The following ADGRL2 variants were observed in gnomAD, a reference collection of about 807,000 sequenced individuals.
ADGRL2 encodes the protein calcium-independent alpha-latrotoxin receptor 2.
A neutral mutation model predicts 157.4 loss-of-function variants in ADGRL2; 44 were observed. That is an observed-to-expected ratio of 0.28 (90% CI 0.22 to 0.36). The LOEUF is 0.36. Among genes scored for constraint, ADGRL2 ranks in the 10% least tolerant of loss-of-function variants. The probability of loss-of-function intolerance (pLI) is 1.00; values close to 1 mark genes in which losing one functional copy is unlikely to be tolerated. For synonymous variants in ADGRL2, 585 were observed against 624.7 expected, an observed-to-expected ratio of 0.94 and a Z score of 0.95; for missense variants, 1,510 against 1,768.9, an observed-to-expected ratio of 0.85 and a Z score of 2.63.
chr1:81,344,219 G>A (rs751897018), intron 1 of ADGRL2, among the ~76,000 whole-genome samples: 6 of 152,044 alleles, frequency 3.9e-5, no homozygotes, highest in African/African-American at 9.7e-5. Flanking sequence ...CAGGCGCAAC[G>A]TCACCACGCC....
intron 3 of ADGRL2, among the ~76,000 whole-genome samples, chr1:81,934,869 C>T (rs2095287035): frequency 6.6e-6 from 1 of 151,784 alleles, no homozygotes; most frequent in Non-Finnish European, 1.5e-5. Flanking sequence ...AGGAAGATCA[C>T]TGTAGGTATG....
intron 1 of ADGRL2, among the ~76,000 whole-genome samples, chr1:81,352,200 G>T (rs988801360): frequency 6.6e-6 from 1 of 152,204 alleles, no homozygotes; most frequent in Non-Finnish European, 1.5e-5. Context: ...CCAAGTTAAA[G>T]AGTTGAGGGT....
chr1:81,446,429 T>C (rs1385771136), intron 2 of ADGRL2, among the ~76,000 whole-genome samples: 1 of 152,182 alleles, frequency 6.6e-6, no homozygotes, highest in Non-Finnish European at 1.5e-5. Context: ...TTAATGAGCC[T>C]ATATAGGGCC....
chr1:81,521,510 G>A (rs2079314103), intron 2 of ADGRL2, among the ~76,000 whole-genome samples: 1 of 151,972 alleles, frequency 6.6e-6, no homozygotes, highest in South Asian at 2.1e-4. Flanking sequence ...TAATCATTTT[G>A]TAATAAAAAT....
At chr1:81,366,899 C>T (rs920672458) in intron 1 of ADGRL2, among the ~76,000 whole-genome samples, 1 of 152,080 alleles carries the variant, frequency 6.6e-6, no homozygotes, top group Non-Finnish European at 1.5e-5. Context: ...TTGCTGTATC[C>T]CCAGTGGATT....
intron 2 of ADGRL2, among the ~76,000 whole-genome samples, chr1:81,902,448 A>T (rs1247925710): frequency 2.0e-5 from 3 of 152,134 alleles, no homozygotes; most frequent in African/African-American, 4.8e-5. Flanking sequence ...AAATACAAAA[A>T]TTAGCCGGTC....
At chr1:81,726,403 A>G (rs2084530665) in intron 1 of ADGRL2, among the ~76,000 whole-genome samples, 1 of 152,210 alleles carries the variant, frequency 6.6e-6, no homozygotes. Context: ...TATGTCCCAT[A>G]CAGTAACAAC....
chr1:81,507,782 A>G (rs1050711038), intron 2 of ADGRL2, among the ~76,000 whole-genome samples: 1 of 152,216 alleles, frequency 6.6e-6, no homozygotes, highest in Non-Finnish European at 1.5e-5. Flanking sequence ...CAGAAAAGGT[A>G]GAAAGTTTAT....
chr1:81,461,680 G>T (rs370635150), intron 2 of ADGRL2, among the ~76,000 whole-genome samples: 1 of 152,094 alleles, frequency 6.6e-6, no homozygotes, highest in African/African-American at 2.4e-5. Context: ...GATAAAAAGA[G>T]GATACAATGT....
At chr1:81,668,861 C>T (rs139846504) in intron 3 of ADGRL2, among the ~76,000 whole-genome samples, 2 of 152,098 alleles carry the variant, frequency 1.3e-5, no homozygotes, top group Non-Finnish European at 1.5e-5. Context: ...TGAGCCACTG[C>T]GCCTGGCCCA....
intron 3 of ADGRL2, among the ~76,000 whole-genome samples, chr1:81,616,568 C>T (rs759585146): frequency 6.6e-6 from 1 of 151,900 alleles, no homozygotes; most frequent in Non-Finnish European, 1.5e-5. Flanking sequence ...TTACTAATTC[C>T]AAGTGTTCAG....
At chr1:81,955,588 T>C (rs1553203210) in intron 10 of ADGRL2, among the ~76,000 whole-genome samples, 1 of 152,172 alleles carries the variant, frequency 6.6e-6, no homozygotes, top group Non-Finnish European at 1.5e-5. Flanking sequence ...CAGGTGGTTG[T>C]CAACTATCAA....
intron 2 of ADGRL2, among the ~76,000 whole-genome samples, chr1:81,904,142 T>C (rs993068747): frequency 6.6e-6 from 1 of 152,156 alleles, no homozygotes; most frequent in Admixed American, 6.5e-5. Context: ...ATAAGAATTA[T>C]GTATCATGTG....
chr1:81,924,977 A>T (rs994713199), intron 3 of ADGRL2, among the ~76,000 whole-genome samples: 20 of 152,120 alleles, frequency 1.3e-4, no homozygotes, highest in African/African-American at 4.6e-4. Flanking sequence ...AGGGAGAAGG[A>T]TCCTCTGTTA....
At chr1:81,688,953 C>T (rs1167761223) in intron 3 of ADGRL2, among the ~76,000 whole-genome samples, 1 of 152,126 alleles carries the variant, frequency 6.6e-6, no homozygotes, top group Non-Finnish European at 1.5e-5. Flanking sequence ...TGGGTCTAGC[C>T]ACCCAGCAAG....
At chr1:81,377,563 C>T (rs1254984905) in intron 1 of ADGRL2, among the ~76,000 whole-genome samples, 2 of 152,048 alleles carry the variant, frequency 1.3e-5, no homozygotes, top group Non-Finnish European at 2.9e-5. Flanking sequence ...GTTAAAAACC[C>T]TCAGATTCAT....
chr1:81,504,382 T>A (rs948204735), intron 2 of ADGRL2, among the ~76,000 whole-genome samples: 23 of 152,198 alleles, frequency 1.5e-4, no homozygotes, highest in Non-Finnish European at 2.9e-4. Flanking sequence ...TCCCCACACG[T>A]GCCGATGTCA....
intron 3 of ADGRL2, among the ~76,000 whole-genome samples, chr1:81,641,216 T>C (rs1049424603): frequency 1.4e-4 from 21 of 152,218 alleles, no homozygotes; most frequent in Non-Finnish European, 5.9e-5. Flanking sequence ...TCCACTATTA[T>C]AGTTGAAGAC....
At chr1:81,597,341 C>A (rs1206697526) in intron 3 of ADGRL2, among the ~76,000 whole-genome samples, 1 of 151,714 alleles carries the variant, frequency 6.6e-6, no homozygotes, top group Non-Finnish European at 1.5e-5. Flanking sequence ...ATATTTGCTA[C>A]AAATATAATT....
Sources: gnomAD v4.1 joint callset for allele counts (sites outside exome capture counted in the v4.1 genomes callset) on GRCh38, gnomAD v4.1.1 for gene constraint, MANE v1.5 for transcripts, NCBI Gene and HGNC (gene_info 2026-07-23, HGNC 2026-07-21) for gene names.